NME9: variants seen among roughly 807,000 people sequenced by gnomAD.
NME9 encodes the protein thioredoxin domain-containing protein 6.
NME9 carries 48 observed loss-of-function variants against 44.4 expected under a neutral mutation model. That is an observed-to-expected ratio of 1.08 (90% CI 0.86 to 1.37). The LOEUF (loss-of-function observed/expected upper bound fraction) is 1.37, where lower values mean the gene tolerates loss of function less well. Among genes scored for constraint, NME9 ranks in the 40% most tolerant of loss-of-function variants. NME9 has a pLI of 0.00. For missense variants in NME9, 325 were observed against 405.2 expected (o/e 0.80, Z 1.70); for synonymous variants, 139 against 147.1 (o/e 0.94, Z 0.40).
intron 8 of NME9, among the ~76,000 whole-genome samples, chr3:138,275,633 T>A (rs981654167): frequency 2.6e-5 from 4 of 152,014 alleles, no homozygotes; most frequent in African/African-American, 9.7e-5. Flanking sequence ...AGGTCATCAG[T>A]AGAGAGTTGG....
At chr3:138,325,828 G>A (rs1400169084) in intron 1 of NME9, among the ~76,000 whole-genome samples, 3 of 145,160 alleles carry the variant, frequency 2.1e-5, no homozygotes, top group African/African-American at 7.8e-5. Context: ...GTATTTGGAA[G>A]CAAATTACAG....
chr3:138,264,566 C>T (rs541419819), intron 8 of NME9, among the ~76,000 whole-genome samples: 114 of 151,612 alleles, frequency 7.5e-4, no homozygotes, highest in Non-Finnish European at 1.3e-3. Flanking sequence ...ACTACAGGTG[C>T]GCACCACCAC....
rs569409363 is a variant in NME9 at position 138,275,233 on chromosome 3, T to A, written c.746-12647A>T. 3.3e-5 allele frequency among the ~76,000 whole-genome samples: 5 copies of A among 152,226 alleles called. No homozygotes were observed. The South Asian group carries it at 1.0e-3, about 32-fold the overall frequency. On this transcript the variant is annotated intron_variant, in intron 8 of 8. Coordinates refer to the NME9 transcript ENST00000317876. ...GCGATCTTCAGTTTTTTGACATAGG[T>A]TTTGGCTACATGGTTATGTTCTCTT...
At chr3:138,302,609 G>C (rs1008829329) in intron 10 of NME9, among the ~76,000 whole-genome samples, 2 of 152,226 alleles carry the variant, frequency 1.3e-5, no homozygotes, top group Non-Finnish European at 2.9e-5. Flanking sequence ...CGCTCAGCTT[G>C]TTCCTCAGCT....
chr3:138,317,114 T>C (rs1002377991), intron 4 of NME9, among the ~76,000 whole-genome samples: 4 of 152,230 alleles, frequency 2.6e-5, no homozygotes, highest in African/African-American at 7.2e-5. Flanking sequence ...ATTGTGGTAA[T>C]GATCCCATTT....
chr3:138,301,103 T>C lies in NME9; in HGVS notation c.*537A>G, dbSNP rs1478884458. On this transcript the variant is annotated 3_prime_UTR_variant, in exon 11 of 11. Coordinates refer to ENST00000333911, the MANE Select transcript of NME9 (RefSeq NM_001349018.2). The stretch of plus-strand genomic sequence containing the variant: ...TCACAACAGGATGTAATAACTGATG[T>C]TCAATTATTTTGTAAAATCCCAAAG... 1 of 966,872 alleles carries C rather than the reference T, an allele frequency of 1.0e-6. No individual in the cohort carries two copies. Among genetic ancestry groups the C allele is most frequent in the Non-Finnish European group, 1.2e-6 (1 of 813,020 alleles). 59.9% of individuals were successfully genotyped at this position (966,872 alleles called of 1,614,324 possible). A position where few individuals can be genotyped will look rare whatever the true frequency, so the allele number is the denominator to read the frequency against.
At chr3:138,329,248 C>T in intron 1 of NME9, 55 bp downstream of exon 1, 1 of 1,450,818 alleles carries the variant, frequency 6.9e-7, no homozygotes, top group Non-Finnish European at 9.3e-7. Flanking sequence ...TCTAATCACC[C>T]TCCTCTTCCC....
chr3:138,327,790 G>A (rs1455453523), intron 1 of NME9, among the ~76,000 whole-genome samples: 1 of 152,160 alleles, frequency 6.6e-6, no homozygotes, highest in East Asian at 1.9e-4. Flanking sequence ...GCAGGAGGGA[G>A]CACTTAGTTT....
chr3:138,266,540 C>T lies in NME9; in HGVS notation c.746-3954G>A, dbSNP rs139508206. Among the ~76,000 whole-genome samples the T allele has an allele frequency of 8.7e-4, 132 of 152,256 alleles. 1 individual carries two copies. The highest frequency in any genetic ancestry group is 2.9e-3 in the African/African-American group (121 of 41,550). The stretch of plus-strand genomic sequence containing the variant: ...GCTACGGTACTTCCCTTATTATTCA[C>T]TATATCACATTTAATCCTAAATAGT... On this transcript the variant is annotated intron_variant, in intron 8 of 8. Coordinates refer to the NME9 transcript ENST00000317876.
intron 8 of NME9, among the ~76,000 whole-genome samples, chr3:138,268,789 TA>T (rs200483217): frequency 1.3e-5 from 2 of 148,564 alleles, no homozygotes; most frequent in African/African-American, 2.5e-5. Context: ...AAATTAAAAT[TA>T]AAAAAAAAAT....
intron 1 of NME9, among the ~76,000 whole-genome samples, chr3:138,328,540 T>C (rs2053935093): frequency 6.6e-6 from 1 of 152,144 alleles, no homozygotes. Context: ...TTGGTATGCA[T>C]CTTACTGGGG....
chr3:138,275,934 A>C (rs1305308642), intron 8 of NME9, among the ~76,000 whole-genome samples: 1 of 152,242 alleles, frequency 6.6e-6, no homozygotes, highest in Non-Finnish European at 1.5e-5. Flanking sequence ...AATGAAATCC[A>C]TTACTGAAAC....
At chr3:138,299,080 G>C (rs2051710714), downstream of NME9, among the ~76,000 whole-genome samples, 2 of 152,218 alleles carry the variant, frequency 1.3e-5, no homozygotes, top group South Asian at 4.1e-4. Flanking sequence ...AGGGCTGACA[G>C]AACGGTTCCA....
chr3:138,309,934 G>C (rs1369814008), intron 6 of NME9, among the ~76,000 whole-genome samples: 3 of 151,852 alleles, frequency 2.0e-5, no homozygotes, highest in African/African-American at 7.3e-5. Context: ...GGCTGAGGCA[G>C]GAGAATCGCT....
chr3:138,268,879 C>CTA (rs2048525721), intron 8 of NME9, among the ~76,000 whole-genome samples: 1 of 151,936 alleles, frequency 6.6e-6, no homozygotes, highest in Non-Finnish European at 1.5e-5. Context: ...AGAGTATGGG[C>CTA]TATAGATTTG....
downstream of NME9, among the ~76,000 whole-genome samples, chr3:138,298,999 T>A (rs2108420301): frequency 6.6e-6 from 1 of 152,214 alleles, no homozygotes; most frequent in Non-Finnish European, 1.5e-5. Context: ...CTGTTTCCCA[T>A]AACTACCACA....
chr3:138,313,569 G>A (rs773040857), intron 6 of NME9, among the ~76,000 whole-genome samples: 2 of 152,092 alleles, frequency 1.3e-5, no homozygotes, highest in Middle Eastern at 3.2e-3. Flanking sequence ...CCACTACTAT[G>A]TATATATCCA....
intron 10 of NME9, among the ~76,000 whole-genome samples, chr3:138,302,057 G>C (rs765078322): frequency 6.6e-6 from 1 of 152,152 alleles, no homozygotes; most frequent in Non-Finnish European, 1.5e-5. Context: ...TAACTTTTCA[G>C]AGGCTCTTCA....
At chr3:138,271,927 C>T (rs2048840236) in intron 8 of NME9, among the ~76,000 whole-genome samples, 1 of 151,674 alleles carries the variant, frequency 6.6e-6, no homozygotes, top group East Asian at 1.9e-4. Flanking sequence ...TCCTGAGTAG[C>T]TGGGATTACA....
Sources: gnomAD v4.1 joint callset for allele counts (sites outside exome capture counted in the v4.1 genomes callset) on GRCh38, gnomAD v4.1.1 for gene constraint, MANE v1.5 for transcripts, NCBI Gene and HGNC (gene_info 2026-07-23, HGNC 2026-07-21) for gene names.